PLA2G4E: variants seen among roughly 807,000 people sequenced by gnomAD.
PLA2G4E encodes phospholipase A2 group IVE.
PLA2G4E carries 84 observed loss-of-function variants against 109.1 expected under a neutral mutation model. The observed-to-expected ratio is 0.77, with a 90% CI of 0.65 to 0.92. The LOEUF is 0.92. Among genes scored for constraint, PLA2G4E ranks in the 40% least tolerant of loss-of-function variants. The pLI, the probability that PLA2G4E is intolerant of heterozygous loss-of-function variation, is 0.00. For missense variants in PLA2G4E, 1,057 were observed against 1,076.6 expected (o/e 0.98, Z 0.25); for synonymous variants, 469 against 436.1 (o/e 1.08, Z -0.94).
chr15:42,002,751 T>C, intron 5 of PLA2G4E, 55 bp from the exon 6 acceptor site: 4 of 1,458,890 alleles, frequency 2.7e-6, no homozygotes, highest in Non-Finnish European at 3.8e-6. Context: ...ACTGGTTTCT[T>C]CTAATGGCGA....
chr15:42,040,350 T>C (rs982450035), intron 1 of PLA2G4E, among the ~76,000 whole-genome samples: 2 of 151,932 alleles, frequency 1.3e-5, no homozygotes, highest in Non-Finnish European at 2.9e-5. Context: ...TAAATTATGT[T>C]GAAAAAATAA....
chr15:42,004,827 A>C, intron 5 of PLA2G4E, 111 bp downstream of exon 5: 1 of 1,158,142 alleles, frequency 8.6e-7, no homozygotes, highest in Non-Finnish European at 1.3e-6. Flanking sequence ...CAGGAGTGAG[A>C]CTGGAAGAGG....
intron 1 of PLA2G4E, among the ~76,000 whole-genome samples, chr15:42,050,185 A>G (rs1037426249): frequency 2.6e-5 from 4 of 152,244 alleles, no homozygotes; most frequent in African/African-American, 9.6e-5. Context: ...TCAGGTGCCC[A>G]TGAAACTAGC....
At chr15:42,046,271 C>G (rs1889414084) in intron 1 of PLA2G4E, among the ~76,000 whole-genome samples, 1 of 152,220 alleles carries the variant, frequency 6.6e-6, no homozygotes, top group Non-Finnish European at 1.5e-5. Flanking sequence ...CAGGTTAAAG[C>G]CCTCCATGGG....
chr15:41,990,742 T>C (rs35989148), intron 13 of PLA2G4E, among the ~76,000 whole-genome samples: 84,937 of 112,818 alleles, frequency 0.75, 30,716 homozygotes, highest in Non-Finnish European at 0.84. Flanking sequence ...TCCTCTTCCC[T>C]TCTTTTTTTT....
intron 12 of PLA2G4E, 118 bp from the exon 13 acceptor site, chr15:41,993,077 A>T: frequency 4.7e-6 from 4 of 849,514 alleles, no homozygotes; most frequent in Non-Finnish European, 7.2e-6. Context: ...CAGGAGGGGA[A>T]CCTGGAGAGT....
At chr15:42,029,842 A>G (rs1456339782) in intron 1 of PLA2G4E, among the ~76,000 whole-genome samples, 1 of 152,252 alleles carries the variant, frequency 6.6e-6, no homozygotes, top group Non-Finnish European at 1.5e-5. Flanking sequence ...GATCCACAGT[A>G]CAGTAACATC....
intron 2 of PLA2G4E, 138 bp downstream of exon 2, chr15:42,013,547 C>T (rs1215344789): frequency 1.3e-6 from 1 of 751,862 alleles, no homozygotes; most frequent in South Asian, 1.8e-5. Flanking sequence ...CATGCACACA[C>T]ATACACGTAT....
chr15:42,016,544 C>G (rs1364859364), intron 1 of PLA2G4E, among the ~76,000 whole-genome samples: 1 of 152,052 alleles, frequency 6.6e-6, no homozygotes, highest in African/African-American at 2.4e-5. Context: ...ACCGTGTTGG[C>G]CAGGCTGGTC....
chr15:42,006,541 A>T (rs2068478885), intron 3 of PLA2G4E, among the ~76,000 whole-genome samples: 1 of 152,186 alleles, frequency 6.6e-6, no homozygotes, highest in South Asian at 2.1e-4. Context: ...GAAAATCCAG[A>T]TTAGGGAATC....
intron 13 of PLA2G4E, among the ~76,000 whole-genome samples, chr15:41,990,540 G>A (rs766031223): frequency 2.6e-5 from 4 of 152,064 alleles, no homozygotes; most frequent in Non-Finnish European, 4.4e-5. Flanking sequence ...AGGGGTGGGA[G>A]AGGCTAGCAC....
chr15:42,005,773 G>A lies in PLA2G4E; in HGVS notation c.525+217C>T, dbSNP rs192213294. Among the ~76,000 whole-genome samples, 201 of 152,370 alleles carry A rather than the reference G, an allele frequency of 1.3e-3. 1 individual carries two copies. Among genetic ancestry groups the A allele is most frequent in the Non-Finnish European group, 2.1e-3 (141 of 68,032 alleles). ...AACAACCTTGTGTGGTAGGTATTAT[G>A]ATCACCATTTTGTAGATGAGGAAAC... On this transcript the variant is annotated intron_variant, in intron 4 of 19. Coordinates refer to ENST00000399518, the Ensembl canonical transcript of PLA2G4E.
At chr15:42,030,035 G>A (rs1448101408) in intron 1 of PLA2G4E, among the ~76,000 whole-genome samples, 3 of 152,166 alleles carry the variant, frequency 2.0e-5, no homozygotes, top group Non-Finnish European at 4.4e-5. Flanking sequence ...GGAGGAGGAA[G>A]AATTTGAACT....
At chr15:42,005,397 G>A (rs7184039) in intron 4 of PLA2G4E, among the ~76,000 whole-genome samples, 38,129 of 152,152 alleles carry the variant, frequency 0.25, 5,981 homozygotes, top group East Asian at 0.49. Context: ...CTGGAGGCAA[G>A]CCAGGGCCTC....
chr15:42,007,527 A>G (rs1887197099), intron 3 of PLA2G4E, among the ~76,000 whole-genome samples: 1 of 152,166 alleles, frequency 6.6e-6, no homozygotes, highest in South Asian at 2.1e-4. Context: ...AGCTAGAAAG[A>G]GAAATAGACT....
At chr15:42,028,847 G>A (rs1310481850) in intron 1 of PLA2G4E, among the ~76,000 whole-genome samples, 1 of 152,146 alleles carries the variant, frequency 6.6e-6, no homozygotes, top group Non-Finnish European at 1.5e-5. Flanking sequence ...CTCTGGGTAA[G>A]ATGAGATTAA....
chr15:41,992,307 G>A (rs1180344453), intron 13 of PLA2G4E, among the ~76,000 whole-genome samples: 1 of 152,158 alleles, frequency 6.6e-6, no homozygotes, highest in South Asian at 2.1e-4. Flanking sequence ...GCCAGCTTTG[G>A]CTGGAGGACC....
In PLA2G4E at chr15:42,006,101, GAC is replaced by G; in HGVS notation, c.412_413del (p.Val138LeufsTer2). The G allele has an allele frequency of 6.2e-7, 1 of 1,613,894 alleles. No individual in the cohort carries two copies. Among genetic ancestry groups the G allele is most frequent in the Non-Finnish European group, 8.5e-7 (1 of 1,179,814 alleles). ...CTGGTGTCACTGTGTCTTCATCACAGACACTCAACTCTAGCACGTTCTAGGGG... is the reference window on the plus strand; with the variant it reads ...CTGGTGTCACTGTGTCTTCATCACAGACTCAACTCTAGCACGTTCTAGGGG... On this transcript the variant is annotated frameshift_variant, in exon 4 of 20. Coordinates refer to ENST00000399518, the Ensembl canonical transcript of PLA2G4E. LOFTEE classifies it high-confidence loss of function.
intron 14 of PLA2G4E, 49 bp from the exon 15 acceptor site, chr15:41,989,601 T>C (rs765901945): frequency 6.4e-7 from 1 of 1,574,222 alleles, no homozygotes; most frequent in East Asian, 2.3e-5. Flanking sequence ...CAGGGAGCCG[T>C]CCACACAGCC....
Sources: gnomAD v4.1 joint callset for allele counts (sites outside exome capture counted in the v4.1 genomes callset) on GRCh38, gnomAD v4.1.1 for gene constraint, MANE v1.5 for transcripts, NCBI Gene and HGNC (gene_info 2026-07-23, HGNC 2026-07-21) for gene names.